Variants in PPFIBP2 observed in about 807,000 individuals in gnomAD.
PPFIBP2 encodes the protein liprin-beta-2.
PPFIBP2 carries 118 observed loss-of-function variants against 118.3 expected under a neutral mutation model. The observed-to-expected ratio is 1.00, with a 90% CI of 0.86 to 1.16. The LOEUF (loss-of-function observed/expected upper bound fraction) is 1.16, where lower values mean the gene tolerates loss of function less well. Among genes scored for constraint, PPFIBP2 ranks in the 50% most tolerant of loss-of-function variants. PPFIBP2 has a pLI of 0.00. For synonymous variants in PPFIBP2, 414 were observed against 397.4 expected (o/e 1.04, Z -0.50); for missense variants, 1,195 against 1,073.1 (o/e 1.11, Z -1.59).
downstream of PPFIBP2, chr11:7,656,764 G>A (rs966674148): frequency 1.9e-5 from 25 of 1,289,678 alleles, no homozygotes; most frequent in African/African-American, 3.0e-5. Context: ...AATGACTCTC[G>A]CCTGCCTGCC....
At position 7,649,466 on chromosome 11, in the gene PPFIBP2, AGG is replaced by A. The variant is rs1219158429; in HGVS notation, c.1999-64_1999-63del. ...TGACTTGTCTATGCTTGGTCTGGTG[AGG>A]GACATCAGGGGTCTTTTGTCACTTT... On this transcript the variant is annotated intron_variant, in intron 20 of 23. Coordinates refer to ENST00000299492, the MANE Select transcript of PPFIBP2 (RefSeq NM_003621.5). The A allele has an allele frequency of 6.3e-6, 10 of 1,595,342 alleles. No individual in the cohort carries two copies. In the African/African-American group the frequency reaches 1.2e-4, roughly 19 times the overall value.
chr11:7,607,799 G>A (rs1847578633), intron 5 of PPFIBP2, among the ~76,000 whole-genome samples: 1 of 152,026 alleles, frequency 6.6e-6, no homozygotes, highest in African/African-American at 2.4e-5. Flanking sequence ...GAAGTTTATG[G>A]CATAGATTTT....
At chr11:7,591,415 A>C (rs1310879510) in intron 3 of PPFIBP2, among the ~76,000 whole-genome samples, 8 of 150,828 alleles carry the variant, frequency 5.3e-5, no homozygotes, top group Non-Finnish European at 8.9e-5. Flanking sequence ...AATCACCATC[A>C]TGTGAGTTCT....
At chr11:7,524,720 A>T (rs1042173985) in intron 1 of PPFIBP2, among the ~76,000 whole-genome samples, 1 of 147,870 alleles carries the variant, frequency 6.8e-6, no homozygotes. Flanking sequence ...AAAACTCCAA[A>T]TTCTATGAGC....
chr11:7,654,834 G>A (rs1245723373), downstream of PPFIBP2, among the ~76,000 whole-genome samples: 1 of 152,186 alleles, frequency 6.6e-6, no homozygotes, highest in Non-Finnish European at 1.5e-5. Context: ...TTCCCTTTGT[G>A]GGCTTGTTTT....
At chr11:7,520,508 T>C (rs10769802) in intron 1 of PPFIBP2, among the ~76,000 whole-genome samples, 139,984 of 148,536 alleles carry the variant, frequency 0.94, 65,732 homozygotes, top group East Asian at 0.99. Context: ...GCCATAAGAT[T>C]TTTTTTTTTT....
At position 7,651,690 on chromosome 11, in the gene PPFIBP2, C is replaced by T. The variant is rs747447240; in HGVS notation, c.2282C>T (p.Ala761Val). The change falls in exon 23 of 24, where the codon GCT becomes GTT. Residue 761 changes from alanine to valine, a missense_variant. By Grantham distance (64) the Ala-to-Val change is moderately conservative. Coordinates refer to ENST00000299492, the MANE Select transcript of PPFIBP2 (RefSeq NM_003621.5). ...CCACGCTTCACTGGGGACACCCTGG[C>T]TATGCTTCTCAACATCCCCCCACAA... ...LEPRFTGDTL[A>V]MLLNIPPQKT... 1.2e-6 allele frequency: 2 copies of T among 1,613,162 alleles called. No individual in the cohort carries two copies. Among genetic ancestry groups the T allele is most frequent in the South Asian group, 1.1e-5 (1 of 90,998 alleles).
At chr11:7,649,490 C>G (rs918020335) in intron 20 of PPFIBP2, 42 bp from the exon 21 acceptor site, 2 of 1,612,576 alleles carry the variant, frequency 1.2e-6, no homozygotes, top group Non-Finnish European at 1.7e-6. Flanking sequence ...TCTTTTGTCA[C>G]TTTGGAAACT....
At chr11:7,619,920 G>A (rs1228934048) in intron 6 of PPFIBP2, among the ~76,000 whole-genome samples, 1 of 152,214 alleles carries the variant, frequency 6.6e-6, no homozygotes, top group Non-Finnish European at 1.5e-5. Flanking sequence ...GTGTGAGACT[G>A]CAGTTCAGAA....
intron 5 of PPFIBP2, among the ~76,000 whole-genome samples, chr11:7,605,133 G>T (rs929859509): frequency 1.3e-5 from 2 of 152,180 alleles, no homozygotes; most frequent in African/African-American, 4.8e-5. Context: ...AGTTTTCAAA[G>T]GTGAAAGAAC....
rs184223566 is a variant in PPFIBP2 at position 7,624,849 on chromosome 11, G to A, written c.712-928G>A. On this transcript the variant is annotated intron_variant, in intron 7 of 23. Transcript: ENST00000299492. Reference sequence around the variant, plus strand: ...GTGTAGTTTTTCCCATTTTATAGATGAGCTGAGACTCAGAAAGGTTAACTT... The same window carrying A: ...GTGTAGTTTTTCCCATTTTATAGATAAGCTGAGACTCAGAAAGGTTAACTT... 4.9e-4 allele frequency among the ~76,000 whole-genome samples: 75 copies of A among 152,286 alleles called. 1 individual carries two copies. The South Asian group carries it at 6.6e-3, about 13-fold the overall frequency.
intron 2 of PPFIBP2, among the ~76,000 whole-genome samples, chr11:7,556,152 C>T (rs147630951): frequency 4.0e-4 from 61 of 152,274 alleles, no homozygotes; most frequent in Non-Finnish European, 7.1e-4. Context: ...ATTTAAACTA[C>T]GATTAAATTT....
intron 6 of PPFIBP2, among the ~76,000 whole-genome samples, chr11:7,618,487 C>A (rs1015292598): frequency 5.3e-5 from 8 of 152,148 alleles, no homozygotes; most frequent in South Asian, 2.1e-4. Flanking sequence ...GCTGGCCTGA[C>A]ACCCTCTCCA....
At chr11:7,638,703 T>C (rs915980616) in intron 14 of PPFIBP2, among the ~76,000 whole-genome samples, 2 of 152,224 alleles carry the variant, frequency 1.3e-5, no homozygotes, top group African/African-American at 4.8e-5. Context: ...TTTAGTGACA[T>C]TGCTTCAATT....
chr11:7,554,057 G>A (rs905325222), intron 2 of PPFIBP2, among the ~76,000 whole-genome samples: 8 of 152,156 alleles, frequency 5.3e-5, no homozygotes, highest in Non-Finnish European at 2.9e-5. Context: ...CACAGATCTT[G>A]CAGAAATGAC....
At chr11:7,529,753 C>A (rs973637392) in intron 1 of PPFIBP2, among the ~76,000 whole-genome samples, 5 of 152,240 alleles carry the variant, frequency 3.3e-5, no homozygotes, top group South Asian at 2.1e-4. Context: ...GGCCCCTGAG[C>A]CTCATAACTC....
At chr11:7,574,563 A>G (rs1245953894) in intron 3 of PPFIBP2, among the ~76,000 whole-genome samples, 1 of 152,200 alleles carries the variant, frequency 6.6e-6, no homozygotes, top group African/African-American at 2.4e-5. Context: ...TTTGACGAAC[A>G]TATTTAGGGG....
intron 5 of PPFIBP2, 82 bp downstream of exon 5, chr11:7,597,755 C>G (rs1860629794): frequency 2.7e-6 from 3 of 1,130,016 alleles, no homozygotes; most frequent in Middle Eastern, 2.6e-4. Flanking sequence ...GGCTACAGCC[C>G]TCGCTGTCTG....
At chr11:7,564,704 C>T (rs2134715026) in intron 2 of PPFIBP2, among the ~76,000 whole-genome samples, 1 of 152,290 alleles carries the variant, frequency 6.6e-6, no homozygotes, top group Admixed American at 6.5e-5. Context: ...TTGGAAGATC[C>T]CAGATGGCTT....
Sources: allele counts gnomAD v4.1 joint callset (sites outside exome capture counted in the v4.1 genomes callset), GRCh38; gene constraint gnomAD v4.1.1; transcripts MANE v1.5; gene names NCBI Gene and HGNC (gene_info 2026-07-23, HGNC 2026-07-21).